NADK2: variants seen among roughly 807,000 people sequenced by gnomAD.
NADK2 encodes the protein NAD kinase domain-containing protein 1, mitochondrial.
A neutral mutation model predicts 62.1 loss-of-function variants in NADK2; 35 were observed. The ratio of observed to expected loss-of-function variants is 0.56; its 90% confidence interval spans 0.43 to 0.75. The LOEUF (loss-of-function observed/expected upper bound fraction) is 0.75, where lower values mean the gene tolerates loss of function less well. NADK2 is among the 30% of genes least tolerant of loss of function. The probability of loss-of-function intolerance (pLI) is 0.00; values close to 1 mark genes in which losing one functional copy is unlikely to be tolerated. For missense variants in NADK2, 439 were observed against 561.3 expected, an observed-to-expected ratio of 0.78 and a Z score of 2.20; for synonymous variants, 205 against 207.9, an observed-to-expected ratio of 0.99 and a Z score of 0.12.
chr5:36,217,757 G>T lies in NADK2; in HGVS notation c.772C>A (p.His258Asn). The part of the protein sequence containing the change: ...HNRALNIERA[H>N]DERSEASGPQ... ...TGCCCAATCCACCTACTTTCATCAT[G>T]AGCTCTTTCAATGTTAAGGGCTCTA... Residue 258 changes from histidine to asparagine, a missense_variant, in exon 6 of 12, where the codon CAT becomes AAT. Transcript: ENST00000381937. The T allele has an allele frequency of 6.2e-7, 1 of 1,613,704 alleles. No individual in the cohort carries two copies. The highest frequency in any genetic ancestry group is 1.1e-5 in the South Asian group (1 of 91,062).
In NADK2 at chr5:36,194,076, T is replaced by C. The variant is rs1169452919; in HGVS notation, c.*1068A>G. The C allele has an allele frequency of 6.6e-6, 1 of 151,918 alleles. No homozygotes were observed. Among genetic ancestry groups the C allele is most frequent in the Non-Finnish European group, 1.5e-5 (1 of 67,996 alleles). The allele number at this position is 151,918 out of a possible 1,614,324, so 9.4% of individuals were successfully genotyped here. A position where few individuals can be genotyped will look rare whatever the true frequency, so the allele number is the denominator to read the frequency against. On this transcript the variant is annotated 3_prime_UTR_variant, in exon 12 of 12. Coordinates refer to ENST00000381937, the MANE Select transcript of NADK2 (RefSeq NM_001085411.3). ...AATTCTAGGATTACTTATAAGTAGA[T>C]CAATAATTAGATAATAATTTCCTCC...
At position 36,212,032 on chromosome 5, in the gene NADK2, T is replaced by C. The variant is rs75714712; in HGVS notation, c.782-110A>G. On this transcript the variant is annotated intron_variant, in intron 6 of 11. Transcript: ENST00000381937. ...TTTTATATTTTTGTTTTTAAAAGAA[T>C]CACATACTTTAATACAGTTAACATT... is the stretch of plus-strand genomic sequence containing the variant. 3.9e-6 allele frequency: 3 copies of C among 768,624 alleles called. No homozygotes were observed. The South Asian group carries it at 5.3e-5, about 14-fold the overall frequency. 47.6% of individuals were successfully genotyped at this position (768,624 alleles called of 1,614,324 possible).
intron 1 of NADK2, among the ~76,000 whole-genome samples, chr5:36,237,432 GTAGGTA>G (rs1180891839): frequency 3.8e-4 from 58 of 152,168 alleles, no homozygotes; most frequent in Non-Finnish European, 1.3e-4. Context: ...GTGCTGATTT[GTAGGTA>G]TAGGTTGCTT....
intron 10 of NADK2, among the ~76,000 whole-genome samples, chr5:36,198,478 C>G (rs1327693507): frequency 6.6e-6 from 1 of 151,528 alleles, no homozygotes; most frequent in African/African-American, 2.4e-5. Context: ...GATTGCATCA[C>G]TGGCATTCAC....
intron 4 of NADK2, among the ~76,000 whole-genome samples, chr5:36,223,079 C>T (rs1294833890): frequency 6.6e-6 from 1 of 152,068 alleles, no homozygotes; most frequent in African/African-American, 2.4e-5. Context: ...ACCAACTGTT[C>T]CCTGCTTTGC....
At chr5:36,211,313 G>A (rs1263993785) in intron 7 of NADK2, among the ~76,000 whole-genome samples, 1 of 152,132 alleles carries the variant, frequency 6.6e-6, no homozygotes, top group East Asian at 1.9e-4. Context: ...CACAATTTAT[G>A]TTCTTCTGCC....
chr5:36,210,631 A>T lies in NADK2; in HGVS notation c.860+1213T>A, dbSNP rs570026536. ...CCATTCAAAAATATTAATATCATGA[A>T]TGACAAAACAGGATGGAGCTAAGGA... On this transcript the variant is annotated intron_variant, in intron 7 of 11. Transcript: ENST00000381937. Among the ~76,000 whole-genome samples the T allele has an allele frequency of 4.6e-5, 7 of 152,344 alleles. No homozygotes were observed. In the East Asian group the frequency reaches 1.3e-3, roughly 29 times the overall value.
At chr5:36,235,134 A>G (rs577528739) in intron 1 of NADK2, among the ~76,000 whole-genome samples, 1 of 152,344 alleles carries the variant, frequency 6.6e-6, no homozygotes, top group Non-Finnish European at 1.5e-5. Context: ...TGTAGCAAGT[A>G]CTTTTAATGC....
At chr5:36,221,705 T>A (rs1474183060) in intron 4 of NADK2, 1 of 152,196 alleles carries the variant, frequency 6.6e-6, no homozygotes, top group Non-Finnish European at 1.5e-5. Context: ...ATATTAACAA[T>A]TGCTTGCCAG....
intron 10 of NADK2, among the ~76,000 whole-genome samples, chr5:36,199,727 G>A (rs1746368168): frequency 6.6e-6 from 1 of 152,026 alleles, no homozygotes; most frequent in Non-Finnish European, 1.5e-5. Context: ...TGATGTAGTA[G>A]ATCTGGAAAT....
intron 5 of NADK2, 44 bp from the exon 6 acceptor site, chr5:36,217,928 A>C: frequency 6.4e-7 from 1 of 1,554,780 alleles, no homozygotes; most frequent in Non-Finnish European, 8.8e-7. Context: ...AAATAGAATA[A>C]ATTAAAGAGT....
In NADK2 at chr5:36,239,570, A is replaced by C. The variant is rs536617272; in HGVS notation, c.300+1929T>G. 3.9e-5 allele frequency among the ~76,000 whole-genome samples: 6 copies of C among 152,272 alleles called. No individual in the cohort carries two copies. In the South Asian group the frequency reaches 8.3e-4, roughly 21 times the overall value. On this transcript the variant is annotated intron_variant, in intron 1 of 11. Transcript: ENST00000381937. Reference sequence around the variant, plus strand: ...CCTATTAGAGATTTCTCCACTCAGAACGGGTACACTTAGGTAGTTTGACTT... The same window carrying C: ...CCTATTAGAGATTTCTCCACTCAGACCGGGTACACTTAGGTAGTTTGACTT...
chr5:36,198,841 C>T (rs944631853), intron 10 of NADK2, among the ~76,000 whole-genome samples: 10 of 151,690 alleles, frequency 6.6e-5, no homozygotes, highest in African/African-American at 2.2e-4. Flanking sequence ...GAAGGCTGAA[C>T]GGGGCTTGAG....
At chr5:36,211,493 T>C (rs2112108585) in intron 7 of NADK2, among the ~76,000 whole-genome samples, 1 of 151,072 alleles carries the variant, frequency 6.6e-6, no homozygotes, top group East Asian at 2.0e-4. Context: ...AGGCAGAGGT[T>C]GAAGTGAGCC....
intron 1 of NADK2, among the ~76,000 whole-genome samples, chr5:36,235,991 G>C (rs1747894740): frequency 6.6e-6 from 1 of 151,806 alleles, no homozygotes; most frequent in East Asian, 1.9e-4. Context: ...ACATTACAAA[G>C]TTCACTGATA....
At chr5:36,239,947 T>C (rs1344271014) in intron 1 of NADK2, among the ~76,000 whole-genome samples, 2 of 152,216 alleles carry the variant, frequency 1.3e-5, no homozygotes, top group African/African-American at 2.4e-5. Flanking sequence ...ACTCTGAACA[T>C]GCCAAGTGAG....
chr5:36,241,568 G>A lies in NADK2; in HGVS notation c.231C>T (p.Thr77=). The change falls in exon 1 of 12, where the codon ACC becomes ACT. Residue 77 remains threonine, a synonymous_variant. Transcript: ENST00000381937. This position sits in a 1 kb window ranked among gnomAD's most constrained non-coding sequence, Gnocchi z 4.9. ...RPSRVVVVAK[T]TRYEFEQQRY... is the part of the protein sequence containing the mutation. ...GCTGCTGCTCGAACTCGTACCGGGTGGTTTTGGCCACCACCACCACCCGGG... is the reference window on the plus strand; with the variant it reads ...GCTGCTGCTCGAACTCGTACCGGGTAGTTTTGGCCACCACCACCACCCGGG... 2 of 1,550,540 alleles carry A rather than the reference G, an allele frequency of 1.3e-6. No individual in the cohort carries two copies. The highest frequency in any genetic ancestry group is 1.7e-6 in the Non-Finnish European group (2 of 1,158,210).
chr5:36,208,810 G>A (rs1746736932), intron 7 of NADK2: 2 of 682,420 alleles, frequency 2.9e-6, no homozygotes, highest in Non-Finnish European at 4.8e-6. Context: ...TTCCAAGCAA[G>A]GCACTTAAGT....
chr5:36,197,014 T>C (rs1277768861), intron 11 of NADK2, among the ~76,000 whole-genome samples: 1 of 151,958 alleles, frequency 6.6e-6, no homozygotes, highest in South Asian at 2.1e-4. Flanking sequence ...ATTTGGAAAA[T>C]TGGGGAACCT....
Sources: gnomAD v4.1 joint callset for allele counts (sites outside exome capture counted in the v4.1 genomes callset) on GRCh38, gnomAD v4.1.1 for gene constraint, Gnocchi (gnomAD v3.1) non-coding constraint, MANE v1.5 for transcripts, NCBI Gene and HGNC (gene_info 2026-07-23, HGNC 2026-07-21) for gene names.